Variants in CCDC125 observed in about 807,000 individuals in gnomAD.
CCDC125 encodes the protein coiled-coil domain-containing protein 125.
Under a neutral mutation model 57.4 loss-of-function variants are expected in CCDC125, and 43 were observed. That is an observed-to-expected ratio of 0.75 (90% CI 0.59 to 0.97). The LOEUF is 0.97. CCDC125 is among the 50% of genes least tolerant of loss of function. The pLI is 0.00. For synonymous variants in CCDC125, 187 were observed against 195.2 expected, an observed-to-expected ratio of 0.96 and a Z score of 0.35; for missense variants, 563 against 595.7, an observed-to-expected ratio of 0.95 and a Z score of 0.57.
chr5:69,319,159 C>A (rs932011296), intron 2 of CCDC125, among the ~76,000 whole-genome samples: 1 of 151,998 alleles, frequency 6.6e-6, no homozygotes, highest in Non-Finnish European at 1.5e-5. Context: ...AGCTCCTGAC[C>A]TCAAGTGATC....
At chr5:69,324,455 A>G (rs1760471827) in intron 1 of CCDC125, among the ~76,000 whole-genome samples, 2 of 152,216 alleles carry the variant, frequency 1.3e-5, no homozygotes, top group Non-Finnish European at 2.9e-5. Context: ...TGACCTGGCA[A>G]CTGCATTCTT....
intron 8 of CCDC125, 118 bp downstream of exon 8, chr5:69,299,894 T>C: frequency 1.2e-6 from 1 of 814,818 alleles, no homozygotes; most frequent in Non-Finnish European, 2.1e-6. Flanking sequence ...CGTCTCTCAC[T>C]CCCATCCTCA....
chr5:69,313,759 G>T, intron 3 of CCDC125: 1 of 783,324 alleles, frequency 1.3e-6, no homozygotes, highest in Non-Finnish European at 2.4e-6. Flanking sequence ...CACTCAGGCG[G>T]AAGAGCACCG....
the CCDC125 span, among the ~76,000 whole-genome samples, chr5:69,273,398 C>G: frequency 6.6e-6 from 1 of 152,128 alleles, no homozygotes; most frequent in Non-Finnish European, 1.5e-5. Context: ...CTTACAAATT[C>G]ATTTAAATCT....
chr5:69,320,482 TCTTCTGTTTCCCA>T lies in CCDC125; in HGVS notation c.46_58del (p.Trp16ArgfsTer4). 1 of 1,613,712 alleles carries T rather than the reference TCTTCTGTTTCCCA, an allele frequency of 6.2e-7. No homozygotes were observed. Among genetic ancestry groups the T allele is most frequent in the South Asian group, 1.1e-5 (1 of 91,068 alleles). On this transcript the variant is annotated frameshift_variant, in exon 2 of 12. Transcript: ENST00000396496. LOFTEE classifies it high-confidence loss of function. ...TAAATCACCTTCTGTCATGTCATCCTCTTCTGTTTCCCAGAGCTGCACGTCTGACTCACTTGAT... is the reference window on the plus strand; with the variant it reads ...TAAATCACCTTCTGTCATGTCATCCTGAGCTGCACGTCTGACTCACTTGAT...
chr5:69,288,569 C>T (rs1292393393), intron 10 of CCDC125, among the ~76,000 whole-genome samples: 1 of 152,192 alleles, frequency 6.6e-6, no homozygotes, highest in Non-Finnish European at 1.5e-5. Context: ...TCTGGCTGTT[C>T]ATCTGCATCC....
rs375663223 is a variant in CCDC125 at position 69,318,702 on chromosome 5, G to A, written c.304+1535C>T. Among the ~76,000 whole-genome samples, 20 of 151,904 alleles carry A rather than the reference G, an allele frequency of 1.3e-4. No individual in the cohort carries two copies. The East Asian group carries it at 3.1e-3, about 24-fold the overall frequency. Reference sequence around the variant, plus strand: ...CAGGAGGCGGAGGTTGCAGTGAGCCGAGATTGTGACACTGCACTCTAGCCT... The same window carrying A: ...CAGGAGGCGGAGGTTGCAGTGAGCCAAGATTGTGACACTGCACTCTAGCCT... On this transcript the variant is annotated intron_variant, in intron 2 of 11. Transcript: ENST00000396496.
downstream of CCDC125, chr5:69,277,360 T>G (rs1173204732): frequency 5.0e-6 from 2 of 398,440 alleles, no homozygotes; most frequent in African/African-American, 4.1e-5. Context: ...TCAATACTCT[T>G]GAAATGTAGA....
At chr5:69,312,773 T>C (rs1295798624) in intron 3 of CCDC125, among the ~76,000 whole-genome samples, 1 of 152,196 alleles carries the variant, frequency 6.6e-6, no homozygotes, top group East Asian at 1.9e-4. Context: ...TCAGCAAGAA[T>C]GTCTGGAAAG....
chr5:69,277,726 C>T (rs966228768), downstream of CCDC125, among the ~76,000 whole-genome samples: 2 of 150,536 alleles, frequency 1.3e-5, no homozygotes, highest in African/African-American at 2.5e-5. Flanking sequence ...GCCAAGATGG[C>T]GCCACTGTAC....
intron 1 of CCDC125, among the ~76,000 whole-genome samples, chr5:69,330,987 A>G (rs960555511): frequency 1.3e-5 from 2 of 151,920 alleles, no homozygotes; most frequent in Non-Finnish European, 1.5e-5. Flanking sequence ...ATTGTAGTCA[A>G]TGTCACCCTG....
At chr5:69,332,156 GGCCTGCT>G (rs1233679903) in intron 1 of CCDC125, among the ~76,000 whole-genome samples, 1 of 152,204 alleles carries the variant, frequency 6.6e-6, no homozygotes, top group Non-Finnish European at 1.5e-5. Flanking sequence ...GGTGAACAAT[GGCCTGCT>G]GCACTTTGCT....
At chr5:69,295,956 T>C (rs1755246379) in intron 8 of CCDC125, among the ~76,000 whole-genome samples, 1 of 151,040 alleles carries the variant, frequency 6.6e-6, no homozygotes, top group African/African-American at 2.4e-5. Flanking sequence ...CGATCTCGGC[T>C]CACTGCAAGC....
rs148058978 is a variant in CCDC125, at chr5:69,305,906, T to C, written c.617+911A>G. Among the ~76,000 whole-genome samples, 405 of 152,274 alleles carry C rather than the reference T, an allele frequency of 2.7e-3. 2 individuals carry two copies. The highest frequency in any genetic ancestry group is 8.3e-3 in the African/African-American group (345 of 41,548). ...CTCCCTTTGTTCAGTCCAACAGGGA[T>C]TGGGGCCACGATAGGATTGTGTGAG... On this transcript the variant is annotated intron_variant, in intron 6 of 11. Transcript: ENST00000396496.
At chr5:69,300,665 A>C (rs1400762677) in intron 7 of CCDC125, among the ~76,000 whole-genome samples, 2 of 152,082 alleles carry the variant, frequency 1.3e-5, no homozygotes, top group Admixed American at 1.3e-4. Context: ...GGGAGGACTT[A>C]TGATCATGAG....
intron 6 of CCDC125, among the ~76,000 whole-genome samples, chr5:69,305,987 TTAAA>T (rs1206048853): frequency 4.6e-5 from 7 of 152,252 alleles, no homozygotes; most frequent in African/African-American, 1.7e-4. Context: ...TTTAAAGTTA[TTAAA>T]TAAACTCACA....
chr5:69,314,486 C>T (rs1443515993), intron 2 of CCDC125, among the ~76,000 whole-genome samples: 1 of 151,214 alleles, frequency 6.6e-6, no homozygotes, highest in Non-Finnish European at 1.5e-5. Flanking sequence ...TTATAACAGA[C>T]CAAATTATGG....
At chr5:69,302,602 G>C (rs1329587591) in intron 7 of CCDC125, among the ~76,000 whole-genome samples, 1 of 151,530 alleles carries the variant, frequency 6.6e-6, no homozygotes, top group Non-Finnish European at 1.5e-5. Context: ...GCATGCACCT[G>C]TAGTCCCAGC....
chr5:69,289,536 T>C (rs1323383101), intron 10 of CCDC125, among the ~76,000 whole-genome samples: 2 of 152,188 alleles, frequency 1.3e-5, no homozygotes, highest in Admixed American at 6.5e-5. Flanking sequence ...AAAATGACCA[T>C]ATTATCTAAA....
Sources: gnomAD v4.1 joint callset for allele counts (sites outside exome capture counted in the v4.1 genomes callset) on GRCh38, gnomAD v4.1.1 for gene constraint, MANE v1.5 for transcripts, NCBI Gene and HGNC (gene_info 2026-07-23, HGNC 2026-07-21) for gene names.